Variants in CCDC171 observed in about 807,000 individuals in gnomAD.
CCDC171 encodes the protein coiled-coil domain-containing protein 171.
In CCDC171, 177 loss-of-function variants were observed where a neutral mutation model predicts 168.2. The ratio of observed to expected loss-of-function variants is 1.05; its 90% CI spans 0.93 to 1.19. The LOEUF is 1.19. Among genes scored for constraint, CCDC171 ranks in the 50% most tolerant of loss-of-function variants. The pLI is 0.00. For missense variants in CCDC171, 1,991 were observed against 1,539.0 expected (o/e 1.29, Z -4.91); for synonymous variants, 687 against 540.8 (o/e 1.27, Z -3.75).
At chr9:15,788,478 T>C (rs1380741810) in intron 21 of CCDC171, among the ~76,000 whole-genome samples, 1 of 137,832 alleles carries the variant, frequency 7.3e-6, no homozygotes, top group Non-Finnish European at 1.5e-5. Flanking sequence ...CAAAATAAGA[T>C]CATGAGTAGA....
chr9:16,087,007 C>A, the CCDC171 span, among the ~76,000 whole-genome samples: 1 of 152,178 alleles, frequency 6.6e-6, no homozygotes, highest in Non-Finnish European at 1.5e-5. Context: ...CTTTCAGGAG[C>A]AGGTTGTTCA....
intron 18 of CCDC171, among the ~76,000 whole-genome samples, chr9:15,763,323 G>A (rs2056549620): frequency 6.6e-6 from 1 of 152,134 alleles, no homozygotes; most frequent in African/African-American, 2.4e-5. Flanking sequence ...CATTATATAA[G>A]CATGATTGAA....
intron 25 of CCDC171, among the ~76,000 whole-genome samples, chr9:15,949,757 A>G (rs1564053466): frequency 1.3e-5 from 2 of 152,094 alleles, no homozygotes; most frequent in Admixed American, 6.6e-5. Context: ...GCAAACAGGG[A>G]CAATTTGACT....
chr9:15,946,369 A>G (rs1461217961), intron 25 of CCDC171, among the ~76,000 whole-genome samples: 2 of 151,972 alleles, frequency 1.3e-5, no homozygotes, highest in Non-Finnish European at 2.9e-5. Flanking sequence ...GTTCTTATAC[A>G]CCAATAACAG....
intron 25 of CCDC171, among the ~76,000 whole-genome samples, chr9:15,952,019 C>G (rs1485467828): frequency 6.6e-6 from 1 of 152,090 alleles, no homozygotes; most frequent in African/African-American, 2.4e-5. Flanking sequence ...GGTCCTTGAT[C>G]CATTTTGATT....
chr9:15,909,106 C>T (rs1412192366), intron 24 of CCDC171, among the ~76,000 whole-genome samples: 4 of 152,084 alleles, frequency 2.6e-5, no homozygotes, highest in East Asian at 3.8e-4. Flanking sequence ...AATAATAAAG[C>T]TTATCCAATC....
intron 21 of CCDC171, among the ~76,000 whole-genome samples, chr9:15,797,361 C>T (rs547387695): frequency 5.5e-4 from 84 of 152,008 alleles, no homozygotes; most frequent in Non-Finnish European, 1.0e-3. Flanking sequence ...GGACTACAGG[C>T]GCATGCCACC....
intron 10 of CCDC171, among the ~76,000 whole-genome samples, chr9:15,682,238 A>G (rs974043867): frequency 2.0e-5 from 3 of 152,102 alleles, no homozygotes; most frequent in African/African-American, 4.8e-5. Flanking sequence ...CTTATGCTGT[A>G]TCCTGGGCTA....
At chr9:15,991,131 C>T (rs1011363122) in intron 3 of CCDC171, among the ~76,000 whole-genome samples, 7 of 152,206 alleles carry the variant, frequency 4.6e-5, no homozygotes, top group Non-Finnish European at 1.0e-4. Context: ...ACATTCTTCT[C>T]AGCACCACAT....
At chr9:15,848,107 G>A (rs940024769) in intron 22 of CCDC171, among the ~76,000 whole-genome samples, 6 of 151,858 alleles carry the variant, frequency 4.0e-5, no homozygotes, top group African/African-American at 1.4e-4. Context: ...ATGAAAATAG[G>A]CTTATAAGAC....
At chr9:15,893,798 T>C (rs1820524218) in intron 24 of CCDC171, among the ~76,000 whole-genome samples, 1 of 152,108 alleles carries the variant, frequency 6.6e-6, no homozygotes, top group Admixed American at 6.6e-5. Context: ...GGTGAGGTCG[T>C]GGAGAAAAAG....
chr9:15,886,695 C>T (rs1819444191), intron 24 of CCDC171: 1 of 150,520 alleles, frequency 6.6e-6, no homozygotes, highest in South Asian at 2.1e-4. Context: ...TTCACAATAG[C>T]CAAGATATAG....
At chr9:15,556,717 T>G (rs1044486519) in intron 1 of CCDC171, among the ~76,000 whole-genome samples, 22 of 151,948 alleles carry the variant, frequency 1.4e-4, no homozygotes, top group African/African-American at 5.1e-4. Flanking sequence ...GGTAGTTTCT[T>G]TTGCTGTGCA....
chr9:15,858,540 A>T (rs1427327788), intron 23 of CCDC171, among the ~76,000 whole-genome samples: 1 of 87,730 alleles, frequency 1.1e-5, no homozygotes, highest in Admixed American at 1.5e-4. Context: ...TAAGTCTTCC[A>T]ATTCATGAAC....
the CCDC171 span, among the ~76,000 whole-genome samples, chr9:16,075,326 A>G: frequency 6.6e-6 from 1 of 152,254 alleles, no homozygotes; most frequent in Admixed American, 6.5e-5. Flanking sequence ...AATTAAAATC[A>G]CTAATCTTTT....
At position 15,972,105 on chromosome 9, in the gene CCDC171, T is replaced by A; in HGVS notation, c.*269T>A. 1 of 414,532 alleles carries A rather than the reference T, an allele frequency of 2.4e-6. No homozygotes were observed. Among genetic ancestry groups the A allele is most frequent in the Non-Finnish European group, 4.3e-6 (1 of 233,276 alleles). The allele number at this position is 414,532 out of a possible 1,614,324, so 25.7% of individuals were successfully genotyped here. A position where few individuals can be genotyped will look rare whatever the true frequency, so the allele number is the denominator to read the frequency against. ...TAAGGAATGACACATTTTGGGTAATTTCCCTCAGACTTAAAAAAATCAATA... is the reference window on the plus strand; with the variant it reads ...TAAGGAATGACACATTTTGGGTAATATCCCTCAGACTTAAAAAAATCAATA... On this transcript the variant is annotated 3_prime_UTR_variant, in exon 26 of 26. Coordinates refer to ENST00000380701, the MANE Select transcript of CCDC171 (RefSeq NM_173550.4).
At chr9:15,953,738 G>A (rs1223639260) in intron 25 of CCDC171, among the ~76,000 whole-genome samples, 1 of 152,104 alleles carries the variant, frequency 6.6e-6, no homozygotes, top group Non-Finnish European at 1.5e-5. Context: ...GGAAGAGTTT[G>A]AGGAGGACTA....
At chr9:15,691,571 T>TATATATATAA (rs1587985159) in intron 10 of CCDC171, among the ~76,000 whole-genome samples, 1 of 145,350 alleles carries the variant, frequency 6.9e-6, no homozygotes. Context: ...TATATATATA[T>TATATATATAA]GTACACATAA....
At chr9:15,672,483 A>T (rs2049192152) in intron 9 of CCDC171, among the ~76,000 whole-genome samples, 1 of 152,136 alleles carries the variant, frequency 6.6e-6, no homozygotes, top group South Asian at 2.1e-4. Flanking sequence ...TTATGGTTTT[A>T]GGTCTTACAT....
Sources: allele counts gnomAD v4.1 joint callset (sites outside exome capture counted in the v4.1 genomes callset), GRCh38; gene constraint gnomAD v4.1.1; transcripts MANE v1.5; gene names NCBI Gene and HGNC (gene_info 2026-07-23, HGNC 2026-07-21).